Variants in RPTOR observed in about 807,000 individuals in gnomAD.
RPTOR encodes regulatory associated protein of MTOR complex 1.
RPTOR carries 21 observed loss-of-function variants against 169.9 expected under a neutral mutation model. That is an observed-to-expected ratio of 0.12 (90% CI 0.09 to 0.18). The LOEUF (loss-of-function observed/expected upper bound fraction) is 0.18. Ranked by LOEUF, RPTOR falls within the 10% of genes least tolerant of loss-of-function variation. RPTOR has a pLI of 1.00. For synonymous variants in RPTOR, 732 were observed against 753.2 expected, an observed-to-expected ratio of 0.97 and a Z score of 0.46; for missense variants, 1,133 against 1,855.9, an observed-to-expected ratio of 0.61 and a Z score of 7.16.
intron 3 of RPTOR, among the ~76,000 whole-genome samples, chr17:80,680,605 G>A (rs1271594078): frequency 6.6e-6 from 1 of 152,076 alleles, no homozygotes; most frequent in Non-Finnish European, 1.5e-5. Context: ...CTTCAGCCTG[G>A]GCAACAGAGT....
intron 6 of RPTOR, among the ~76,000 whole-genome samples, chr17:80,777,678 C>T (rs1302569705): frequency 6.6e-6 from 1 of 152,072 alleles, no homozygotes; most frequent in African/African-American, 2.4e-5. Flanking sequence ...GTTGCTTAAT[C>T]CAAGGTTATG....
At chr17:80,962,651 G>A (rs545604835) in intron 32 of RPTOR, 74 bp downstream of exon 32, 2 of 1,371,994 alleles carry the variant, frequency 1.5e-6, no homozygotes, top group Admixed American at 3.8e-5. Context: ...AGGCTCTTGT[G>A]TTCCTGCCCC....
chr17:80,809,930 G>C (rs190390242), intron 7 of RPTOR, among the ~76,000 whole-genome samples: 1 of 152,008 alleles, frequency 6.6e-6, no homozygotes, highest in Non-Finnish European at 1.5e-5. Flanking sequence ...CCAGCTACTC[G>C]GGAGGCTGAG....
In RPTOR at chr17:80,730,696, A is replaced by G; in HGVS notation, c.644A>G (p.Gln215Arg). 1 of 1,429,102 alleles carries G rather than the reference A, an allele frequency of 7.0e-7. No individual in the cohort carries two copies. Among genetic ancestry groups the G allele is most frequent in the Non-Finnish European group, 9.4e-7 (1 of 1,064,306 alleles). 88.5% of individuals were successfully genotyped at this position (1,429,102 alleles called of 1,614,324 possible). The change falls in exon 5 of 34, where the codon CAG becomes CGG. Residue 215 changes from glutamine (Q) to arginine (R), a missense_variant. Gln to Arg is a conservative substitution (Grantham distance 43). This residue lies in a region of RPTOR where 35 missense variants were observed against 31.8 expected (regional missense o/e 1.10). Coordinates refer to ENST00000306801, the MANE Select transcript of RPTOR (RefSeq NM_020761.3). This position sits in a 1 kb window ranked among gnomAD's most constrained non-coding sequence, Gnocchi z 4.2. The stretch of plus-strand genomic sequence containing the variant: ...AAGCAGTTCGCACTACAGCGGGAGC[A>G]GGAGCTGGAGGTGAGCGCTCTGGTG... ...SFKQFALQRE[Q>R]ELEVAAINPN...
Position 80,893,696 on chromosome 17 carries a change from G to C in RPTOR, c.2243-11G>C, listed in dbSNP as rs17848701. 1 of 1,607,694 alleles carries C rather than the reference G, an allele frequency of 6.2e-7. No homozygotes were observed. The highest frequency in any genetic ancestry group is 1.1e-5 in the South Asian group (1 of 90,758). On this transcript the variant is annotated splice_polypyrimidine_tract_variant and intron_variant, in intron 19 of 33. Coordinates refer to ENST00000306801, the MANE Select transcript of RPTOR (RefSeq NM_020761.3). The stretch of plus-strand genomic sequence containing the variant: ...GGGAGCACCCCACTGACCCCGTTGC[G>C]TCTCGGGCAGCTGGTGGCGCGGTGG...
intron 6 of RPTOR, among the ~76,000 whole-genome samples, chr17:80,762,458 C>T (rs542372193): frequency 6.6e-6 from 1 of 152,296 alleles, no homozygotes; most frequent in African/African-American, 2.4e-5. Flanking sequence ...GCTCTCCTCC[C>T]ACTGCCCTTG....
intron 4 of RPTOR, among the ~76,000 whole-genome samples, chr17:80,727,630 T>A (rs12941958): frequency 0.18 from 27,100 of 152,256 alleles, 2,853 homozygotes; most frequent in East Asian, 0.24. Flanking sequence ...CTGGCCAGAA[T>A]TTGGCTGCAG....
At chr17:80,674,524 C>T (rs1200276239) in intron 3 of RPTOR, among the ~76,000 whole-genome samples, 1 of 152,156 alleles carries the variant, frequency 6.6e-6, no homozygotes, top group Non-Finnish European at 1.5e-5. Flanking sequence ...CTGGCATAGG[C>T]GCCATCCTGG....
chr17:80,697,611 G>T (rs1474714845), intron 3 of RPTOR, among the ~76,000 whole-genome samples: 1 of 152,230 alleles, frequency 6.6e-6, no homozygotes, highest in East Asian at 1.9e-4. Flanking sequence ...GCACAGCCAC[G>T]TCAGGGACTT....
intron 9 of RPTOR, among the ~76,000 whole-genome samples, chr17:80,833,267 AT>A (rs2067527035): frequency 6.6e-6 from 1 of 152,188 alleles, no homozygotes; most frequent in Admixed American, 6.5e-5. Context: ...CGAGTGACTC[AT>A]CAGAACAGCC....
intron 1 of RPTOR, among the ~76,000 whole-genome samples, chr17:80,564,148 T>G (rs1429277552): frequency 6.6e-6 from 1 of 151,988 alleles, no homozygotes; most frequent in Non-Finnish European, 1.5e-5. Flanking sequence ...CTACAAGCTC[T>G]GCCTCCCGAG....
intron 1 of RPTOR, among the ~76,000 whole-genome samples, chr17:80,583,206 T>TTTTTTTTTA (rs2065031955): frequency 6.7e-6 from 1 of 148,436 alleles, no homozygotes; most frequent in African/African-American, 2.5e-5. Flanking sequence ...TTTTTTTTTT[T>TTTTTTTTTA]GAGACAGAGT....
At chr17:80,840,868 C>G (rs934197224) in intron 10 of RPTOR, among the ~76,000 whole-genome samples, 1 of 139,342 alleles carries the variant, frequency 7.2e-6, no homozygotes, top group Non-Finnish European at 1.5e-5. Flanking sequence ...CACACGGCAG[C>G]TCACTCTCAC....
rs1461559375 is a variant in RPTOR, at chr17:80,754,818, T to C, written c.830+633T>C. Among the ~76,000 whole-genome samples the C allele has an allele frequency of 1.3e-5, 2 of 152,204 alleles. No homozygotes were observed. The highest frequency in any genetic ancestry group is 2.9e-5 in the Non-Finnish European group (2 of 68,028). ...GTCTTTAATATCTCCTTTCCCATTTTATGTTTTGCTGAAAAGCTTATATGT... is the reference window on the plus strand; with the variant it reads ...GTCTTTAATATCTCCTTTCCCATTTCATGTTTTGCTGAAAAGCTTATATGT... On this transcript the variant is annotated intron_variant, in intron 6 of 33. Transcript: ENST00000306801. This position sits in a 1 kb window ranked among gnomAD's most constrained non-coding sequence, Gnocchi z 4.2.
At chr17:80,949,691 C>T in intron 28 of RPTOR, 144 bp downstream of exon 28, 2 of 680,766 alleles carry the variant, frequency 2.9e-6, no homozygotes, top group South Asian at 3.4e-5. Flanking sequence ...CAGCTCCCCG[C>T]CAATGTCCCC....
At chr17:80,875,457 G>A (rs1462522139) in intron 13 of RPTOR, among the ~76,000 whole-genome samples, 2 of 152,162 alleles carry the variant, frequency 1.3e-5, no homozygotes, top group African/African-American at 4.8e-5. Context: ...GCTTCAGTGT[G>A]TGGTGAGGGA....
rs551805019 is a variant in RPTOR at position 80,961,296 on chromosome 17, C to G, written c.3606-98C>G. On this transcript the variant is annotated intron_variant, in intron 30 of 33. Coordinates refer to ENST00000306801, the MANE Select transcript of RPTOR (RefSeq NM_020761.3). ...GGACGGGCGAGGGCCTGCGGACCCG[C>G]TGGCACAGGCAGACCTGGGCAGCTC... 5 of 1,186,026 alleles carry G rather than the reference C, an allele frequency of 4.2e-6. No individual in the cohort carries two copies. The Admixed American group carries it at 1.2e-4, about 29-fold the overall frequency. The allele number at this position is 1,186,026 out of a possible 1,614,324, so 73.5% of individuals were successfully genotyped here.
intron 1 of RPTOR, among the ~76,000 whole-genome samples, chr17:80,591,533 A>G (rs2065108032): frequency 6.6e-6 from 1 of 151,068 alleles, no homozygotes; most frequent in East Asian, 2.0e-4. Context: ...CGCACACCAC[A>G]ACACCCAGCT....
At chr17:80,849,873 T>G (rs568367506) in intron 11 of RPTOR, among the ~76,000 whole-genome samples, 68 of 152,338 alleles carry the variant, frequency 4.5e-4, no homozygotes, top group African/African-American at 1.6e-3. Context: ...TGGGGTGCGT[T>G]TGCCCTCTGG....
Sources: gnomAD v4.1 joint callset for allele counts (sites outside exome capture counted in the v4.1 genomes callset) on GRCh38, gnomAD v4.1.1 for gene constraint, gnomAD v4.1.1 regional missense constraint, Gnocchi (gnomAD v3.1) non-coding constraint, MANE v1.5 for transcripts, NCBI Gene and HGNC (gene_info 2026-07-23, HGNC 2026-07-21) for gene names.